The following UMOD variants were observed in gnomAD, a reference collection of about 807,000 sequenced individuals.
UMOD encodes the protein Tamm-Horsfall urinary glycoprotein.
In UMOD, 64 loss-of-function variants were observed where a neutral mutation model predicts 66.0. The observed-to-expected ratio is 0.97, with a 90% CI of 0.79 to 1.19. UMOD has a LOEUF of 1.19. Among genes scored for constraint, UMOD ranks in the 50% most tolerant of loss-of-function variants. UMOD has a pLI of 0.00. For synonymous variants in UMOD, 398 were observed against 352.7 expected (o/e 1.13, Z -1.44); for missense variants, 764 against 850.9 (o/e 0.90, Z 1.27).
chr16:20,337,302 T>C lies in UMOD; in HGVS notation c.1729A>G (p.Lys577Glu), dbSNP rs1001087916. Reference protein sequence around the residue: ...EVYLCDTMNEKCKPTCSGTRF... With the variant: ...EVYLCDTMNEECKPTCSGTRF... ...GGGAGTCAACTCACAGGCTTGCACTTTTCATTCATGGTGTCACAGAGATAG... is the reference window on the plus strand; with the variant it reads ...GGGAGTCAACTCACAGGCTTGCACTCTTCATTCATGGTGTCACAGAGATAG... Residue 577 changes from lysine to glutamate, a missense_variant, in exon 8 of 11, where the codon AAG (lysine) becomes GAG (glutamate). Lys to Glu is a moderately conservative substitution (Grantham distance 56). Coordinates refer to ENST00000396138, the MANE Select transcript of UMOD (RefSeq NM_003361.4). 3 of 1,614,192 alleles carry C rather than the reference T, an allele frequency of 1.9e-6. No individual in the cohort carries two copies. Among genetic ancestry groups the C allele is most frequent in the Non-Finnish European group, 2.5e-6 (3 of 1,180,032 alleles).
upstream of UMOD, among the ~76,000 whole-genome samples, chr16:20,355,400 T>TTTC (rs201810791): frequency 2.5e-4 from 37 of 149,568 alleles, no homozygotes; most frequent in African/African-American, 8.1e-4. Context: ...TTTCTTTCTT[T>TTTC]TTCTTCTTCT....
rs144298922 is a variant in UMOD at position 20,350,821 on chromosome 16, G to T, written c.-84C>A. On this transcript the variant is annotated 5_prime_UTR_variant, in exon 2 of 11. Transcript: ENST00000396138. ...GTTGGCCCTTTGAATTTTTCTCTCT[G>T]TCTCTGATGTCTGGTGTCCTGTGAA... The T allele has an allele frequency of 1.9e-4, 309 of 1,586,136 alleles. 2 individuals carry two copies. In the Admixed American group the frequency reaches 5.5e-3, roughly 28 times the overall value.
intron 7 of UMOD, among the ~76,000 whole-genome samples, chr16:20,340,527 A>G (rs1189359537): frequency 2.0e-5 from 3 of 150,900 alleles, no homozygotes; most frequent in South Asian, 2.1e-4. Flanking sequence ...ATACATATGT[A>G]TTGATAATTC....
rs755997328 is a variant in UMOD, at chr16:20,337,381, G to T, written c.1650C>A (p.Val550=). The T allele has an allele frequency of 6.2e-6, 10 of 1,614,200 alleles. No homozygotes were observed. Among genetic ancestry groups the T allele is most frequent in the South Asian group, 1.1e-5 (1 of 91,084 alleles). Residue 550 remains valine, a synonymous_variant, in exon 8 of 11, where the codon GTC becomes GTA. Coordinates refer to ENST00000396138, the MANE Select transcript of UMOD (RefSeq NM_003361.4). ...NGESSQGRFS[V]QMFRFAGNYD... ...AGTTTCCAGCAAACCGGAACATCTG[G>T]ACGGAAAATCGGCCCTGGGAGGACT...
rs775605009 is a variant in UMOD at position 20,341,255 on chromosome 16, G to A, written c.1413C>T (p.Pro471=). The A allele has an allele frequency of 5.6e-6, 9 of 1,614,068 alleles. No homozygotes were observed. In the South Asian group the frequency reaches 9.9e-5, roughly 18 times the overall value. Reference sequence around the variant, plus strand: ...ACAGTGTCACGGAGGAGCCTTGGTAGGGCTGCGTGTAGGAAGGGGTCTGGA... The same window carrying A: ...ACAGTGTCACGGAGGAGCCTTGGTAAGGCTGCGTGTAGGAAGGGGTCTGGA... The part of the protein sequence containing the change: ...ALFQTPSYTQ[P]YQGSSVTLST... Residue 471 remains proline, a synonymous_variant, in exon 7 of 11, where the codon CCC becomes CCT. Transcript: ENST00000396138.
chr16:20,345,692 T>C (rs1032142038), intron 5 of UMOD, among the ~76,000 whole-genome samples: 1 of 151,972 alleles, frequency 6.6e-6, no homozygotes, highest in Non-Finnish European at 1.5e-5. Flanking sequence ...TGAGGAGGCC[T>C]CTGTAGGTGA....
intron 2 of UMOD, chr16:20,349,762 G>GA: frequency 6.6e-7 from 1 of 1,523,422 alleles, no homozygotes; most frequent in Non-Finnish European, 8.8e-7. Context: ...CACATTTTAT[G>GA]TTTTCTGCTT....
At chr16:20,336,392 T>C (rs1964870737) in intron 9 of UMOD, among the ~76,000 whole-genome samples, 2 of 152,218 alleles carry the variant, frequency 1.3e-5, no homozygotes, top group South Asian at 2.1e-4. Context: ...ATGATCTACA[T>C]TCCTACCTGC....
At chr16:20,337,493 A>G in intron 7 of UMOD, 40 bp from the exon 8 acceptor site, 2 of 1,613,478 alleles carry the variant, frequency 1.2e-6, no homozygotes, top group African/African-American at 1.3e-5. Context: ...TTGGTTAAAT[A>G]AAGATTCTGG....
chr16:20,352,539 T>A (rs1965949061), intron 1 of UMOD, 150 bp downstream of exon 1: 1 of 472,636 alleles, frequency 2.1e-6, no homozygotes, highest in Non-Finnish European at 3.4e-6. Context: ...AAAACTAACT[T>A]ACTAAAGATC....
chr16:20,348,642 A>T lies in UMOD; in HGVS notation c.659T>A (p.Val220Asp). Reference protein sequence around the residue: ...GARMAETCVPVLRCNTAAPMW... With the variant: ...GARMAETCVPDLRCNTAAPMW... ...GGGGGCGGCCGTGTTGCAGCGCAGGACTGGCACGCAGGTCTCGGCCATGCG... is the reference window on the plus strand; with the variant it reads ...GGGGGCGGCCGTGTTGCAGCGCAGGTCTGGCACGCAGGTCTCGGCCATGCG... Residue 220 changes from valine (V) to aspartate (D), a missense_variant, in exon 3 of 11, where the codon GTC becomes GAC. Val to Asp is a radical substitution (Grantham distance 152, BLOSUM62 -3). Transcript: ENST00000396138. The T allele has an allele frequency of 1.3e-6, 2 of 1,572,626 alleles. No homozygotes were observed. The highest frequency in any genetic ancestry group is 1.7e-6 in the Non-Finnish European group (2 of 1,163,520).
At chr16:20,341,866 T>C (rs1043893104) in intron 6 of UMOD, among the ~76,000 whole-genome samples, 6 of 152,220 alleles carry the variant, frequency 3.9e-5, no homozygotes, top group Non-Finnish European at 7.3e-5. Flanking sequence ...TATAAATGAG[T>C]TATTTTTAAC....
chr16:20,337,638 G>C (rs1236543268), intron 7 of UMOD, among the ~76,000 whole-genome samples, 185 bp from the exon 8 acceptor site: 6 of 152,194 alleles, frequency 3.9e-5, no homozygotes, highest in Non-Finnish European at 8.8e-5. Context: ...TGATAAGATA[G>C]CTGTAAGGAT....
At chr16:20,351,193 G>A in intron 1 of UMOD, 1 of 249,236 alleles carries the variant, frequency 4.0e-6, no homozygotes, top group Non-Finnish European at 7.9e-6. Context: ...CAATTTGCCT[G>A]GATCACTTAT....
In UMOD at chr16:20,336,708, A is replaced by C. The variant is rs781042020; in HGVS notation, c.1760T>G (p.Phe587Cys). ...TTGATCTATGACACTCCCACTTCGGAATCTGGTCCCAGAGCAGGTCTACAG... is the reference window on the plus strand; with the variant it reads ...TTGATCTATGACACTCCCACTTCGGCATCTGGTCCCAGAGCAGGTCTACAG... ...KCKPTCSGTR[F>C]RSGSVIDQSR... Residue 587 changes from phenylalanine (F) to cysteine (C), a missense_variant, in exon 9 of 11, where the codon TTC becomes TGC. Transcript: ENST00000396138. The C allele has an allele frequency of 1.2e-6, 2 of 1,614,114 alleles. No individual in the cohort carries two copies. Among genetic ancestry groups the C allele is most frequent in the Non-Finnish European group, 1.7e-6 (2 of 1,179,990 alleles).
In UMOD at chr16:20,343,926, C is replaced by T. The variant is rs567713945; in HGVS notation, c.1331+98G>A. On this transcript the variant is annotated intron_variant, in intron 6 of 10. Coordinates refer to ENST00000396138, the MANE Select transcript of UMOD (RefSeq NM_003361.4). ...GCAACCCTGATTCCCAGCCCTCACT[C>T]CCAGCTCCCTGTGGGTGGCAGTTGA... The T allele has an allele frequency of 2.7e-5, 40 of 1,481,398 alleles. No homozygotes were observed. The African/African-American group carries it at 5.1e-4, about 19-fold the overall frequency. 91.8% of individuals were successfully genotyped at this position (1,481,398 alleles called of 1,614,324 possible).
At chr16:20,345,260 C>T (rs894302495) in intron 5 of UMOD, among the ~76,000 whole-genome samples, 67 of 152,204 alleles carry the variant, frequency 4.4e-4, no homozygotes, top group African/African-American at 1.3e-3. Flanking sequence ...GTTATCCACC[C>T]GCCTCGGCCC....
chr16:20,336,914 A>G (rs1402018186), intron 8 of UMOD, among the ~76,000 whole-genome samples, 187 bp from the exon 9 acceptor site: 1 of 152,196 alleles, frequency 6.6e-6, no homozygotes, highest in African/African-American at 2.4e-5. Flanking sequence ...GCATGATCTC[A>G]GGCAAGCCAC....
intron 9 of UMOD, among the ~76,000 whole-genome samples, chr16:20,335,785 G>A (rs1196001460): frequency 6.6e-6 from 1 of 152,072 alleles, no homozygotes; most frequent in East Asian, 1.9e-4. Flanking sequence ...GCCTTCTCTG[G>A]GTTCCTTTAA....
Sources: gnomAD v4.1 joint callset for allele counts (sites outside exome capture counted in the v4.1 genomes callset) on GRCh38, gnomAD v4.1.1 for gene constraint, MANE v1.5 for transcripts, NCBI Gene and HGNC (gene_info 2026-07-23, HGNC 2026-07-21) for gene names.